SSB: variants seen among roughly 807,000 people sequenced by gnomAD.
The protein encoded by SSB is small RNA binding exonuclease protection factor La.
Under a neutral mutation model 52.9 loss-of-function variants are expected in SSB, and 17 were observed. The observed-to-expected ratio is 0.32, with a 90% CI of 0.22 to 0.48. SSB has a LOEUF of 0.48. SSB is among the 20% of genes least tolerant of loss of function. The probability of loss-of-function intolerance (pLI) is 0.99; values close to 1 mark genes in which losing one functional copy is unlikely to be tolerated. For missense variants in SSB, 314 were observed against 463.6 expected (o/e 0.68, Z 2.96); for synonymous variants, 111 against 152.1 (o/e 0.73, Z 1.99).
At chr2:169,803,450 A>G (rs1363606190) in intron 2 of SSB, among the ~76,000 whole-genome samples, 2 of 152,176 alleles carry the variant, frequency 1.3e-5, no homozygotes, top group Non-Finnish European at 2.9e-5. Context: ...GGGTTTCACC[A>G]TGTTGGTCAG....
intron 2 of SSB, 96 bp downstream of exon 2, chr2:169,801,122 G>A: frequency 9.6e-7 from 1 of 1,041,224 alleles, no homozygotes; most frequent in South Asian, 1.8e-5. Context: ...TTCAACATTT[G>A]GTTTGCCTTT....
intron 7 of SSB, 143 bp downstream of exon 7, chr2:169,808,696 C>T (rs1689880116): frequency 2.0e-6 from 2 of 1,016,836 alleles, no homozygotes; most frequent in South Asian, 1.6e-5. Context: ...TTGACAATCT[C>T]AGGGCCAAAT....
At chr2:169,808,797 A>G in intron 7 of SSB, 63 bp from the exon 8 acceptor site, 3 of 1,330,072 alleles carry the variant, frequency 2.3e-6, no homozygotes, top group Non-Finnish European at 2.1e-6. Context: ...GGTTAACTTT[A>G]TTAGGACTTA....
At position 169,807,065 on chromosome 2, in the gene SSB, T is replaced by G; in HGVS notation, c.548T>G (p.Leu183Arg). 1.2e-6 allele frequency: 2 copies of G among 1,613,162 alleles called. No individual in the cohort carries two copies. The highest frequency in any genetic ancestry group is 2.2e-5 in the East Asian group (1 of 44,822). The change falls in exon 6 of 12, where the codon CTT becomes CGT. Residue 183 changes from leucine to arginine, a missense_variant. Transcript: ENST00000260956. The part of the protein sequence containing the change: ...QKYKETDLLI[L>R]FKDDYFAKKN... Reference sequence around the variant, plus strand: ...TACAAAGAAACAGACCTGCTAATACTTTTCAAGTAAGTCTTTTTGCTGATG... The same window carrying G: ...TACAAAGAAACAGACCTGCTAATACGTTTCAAGTAAGTCTTTTTGCTGATG...
At position 169,812,048 on chromosome 2, in the gene SSB, T is replaced by C; in HGVS notation, c.*292T>C. ...AAACTAACTAATAAAATATATACTATATGAAAAGAGCAAAAACAGTTTTTG... is the reference window on the plus strand; with the variant it reads ...AAACTAACTAATAAAATATATACTACATGAAAAGAGCAAAAACAGTTTTTG... On this transcript the variant is annotated 3_prime_UTR_variant, in exon 12 of 12. Transcript: ENST00000260956. 3 of 678,494 alleles carry C rather than the reference T, an allele frequency of 4.4e-6. No homozygotes were observed. The highest frequency in any genetic ancestry group is 4.4e-5 in the South Asian group (2 of 45,554). 42.0% of individuals were successfully genotyped at this position (678,494 alleles called of 1,614,324 possible).
At chr2:169,802,635 G>C (rs1411342006) in intron 2 of SSB, among the ~76,000 whole-genome samples, 1 of 152,114 alleles carries the variant, frequency 6.6e-6, no homozygotes, top group African/African-American at 2.4e-5. Flanking sequence ...AAGGTTAAAA[G>C]CTTTTGACAC....
chr2:169,808,244 A>G (rs1004777854), intron 6 of SSB, among the ~76,000 whole-genome samples: 2 of 152,206 alleles, frequency 1.3e-5, no homozygotes, highest in Admixed American at 6.5e-5. Flanking sequence ...AAAACATTCA[A>G]GGTACACTTT....
intron 6 of SSB, among the ~76,000 whole-genome samples, chr2:169,808,080 A>G (rs1384982525): frequency 2.0e-5 from 3 of 152,164 alleles, no homozygotes; most frequent in African/African-American, 4.8e-5. Context: ...GAAAACTGCA[A>G]TATTATTTGC....
In SSB at chr2:169,808,861, G is replaced by T; in HGVS notation, c.628G>T (p.Glu210Ter). The change falls in exon 8 of 12, where the codon GAG becomes TAG. Residue 210 changes from glutamate to a stop codon, truncating the protein, a stop_gained and splice_region_variant. Transcript: ENST00000260956. LOFTEE classifies it high-confidence loss of function. ...TTATAATTATATTTTTATTTGTAGGGAGCAAGAAGCAAAACAAAAGTTAGA... is the reference window on the plus strand; with the variant it reads ...TTATAATTATATTTTTATTTGTAGGTAGCAAGAAGCAAAACAAAAGTTAGA... ...KVEAKLRAKQEQEAKQKLEED... is the reference protein window; with the variant it reads ...KVEAKLRAKQ The T allele has an allele frequency of 6.3e-7, 1 of 1,589,830 alleles. No homozygotes were observed. Among genetic ancestry groups the T allele is most frequent in the South Asian group, 1.1e-5 (1 of 90,338 alleles).
chr2:169,811,157 C>CA, intron 10 of SSB, 26 bp from the exon 11 acceptor site: 1 of 1,598,466 alleles, frequency 6.3e-7, no homozygotes, highest in East Asian at 2.2e-5. Flanking sequence ...AAGTTCTTTA[C>CA]AGAGTGCTCA....
intron 8 of SSB, 165 bp downstream of exon 8, chr2:169,809,067 AGGATAGGAAATAT>A: frequency 1.5e-6 from 1 of 674,212 alleles, no homozygotes. Context: ...GAGAAAACTA[AGGATAGGAAATAT>A]GTTCTAAAAT....
chr2:169,802,270 A>G (rs11691728), intron 2 of SSB, among the ~76,000 whole-genome samples: 1 of 151,882 alleles, frequency 6.6e-6, no homozygotes, highest in Non-Finnish European at 1.5e-5. Flanking sequence ...TCTTTGTTCA[A>G]TTAAACTCAA....
At chr2:169,805,418 C>G in intron 2 of SSB, 56 bp from the exon 3 acceptor site, 1 of 1,296,318 alleles carries the variant, frequency 7.7e-7, no homozygotes. Context: ...AGAGTAATGT[C>G]AGGATTGGAG....
intron 4 of SSB, 90 bp downstream of exon 4, chr2:169,805,929 T>A: frequency 1.7e-6 from 2 of 1,180,792 alleles, no homozygotes; most frequent in Non-Finnish European, 2.4e-6. Context: ...ACAGCCTCAC[T>A]AATTACTGTA....
At chr2:169,805,028 G>A (rs1689798947) in intron 2 of SSB, among the ~76,000 whole-genome samples, 1 of 152,076 alleles carries the variant, frequency 6.6e-6, no homozygotes, top group Non-Finnish European at 1.5e-5. Context: ...TACTCAGGAG[G>A]CTGAGGCAGG....
At chr2:169,808,670 G>T in intron 7 of SSB, 117 bp downstream of exon 7, 1 of 1,082,146 alleles carries the variant, frequency 9.2e-7, no homozygotes, top group East Asian at 2.4e-5. Context: ...GTGAAACACT[G>T]AGATCTTAAG....
At chr2:169,810,484 A>G in intron 9 of SSB, 61 bp downstream of exon 9, 1 of 1,431,780 alleles carries the variant, frequency 7.0e-7, no homozygotes, top group Non-Finnish European at 9.5e-7. Flanking sequence ...AACTTAGACA[A>G]AATTAGTAGA....
chr2:169,810,044 AT>A, intron 8 of SSB: 1 of 259,508 alleles, frequency 3.9e-6, no homozygotes, highest in Non-Finnish European at 7.1e-6. Context: ...ATTGAAAGCC[AT>A]TTTGGAATAA....
At chr2:169,806,032 G>T (rs1422517850) in intron 4 of SSB, 193 bp downstream of exon 4, 1 of 649,794 alleles carries the variant, frequency 1.5e-6, no homozygotes, top group Non-Finnish European at 2.8e-6. Context: ...GTGCAGTGGT[G>T]TGATCATGGC....
Sources: gnomAD v4.1 joint callset for allele counts (sites outside exome capture counted in the v4.1 genomes callset) on GRCh38, gnomAD v4.1.1 for gene constraint, MANE v1.5 for transcripts, NCBI Gene and HGNC (gene_info 2026-07-23, HGNC 2026-07-21) for gene names.